Variants in LITAF observed in about 807,000 individuals in gnomAD.
LITAF encodes the protein lipopolysaccharide induced TNF factor, also known as lipopolysaccharide-induced tumor necrosis factor-alpha factor.
In LITAF, 9 loss-of-function variants were observed where a neutral mutation model predicts 14.5. The ratio of observed to expected loss-of-function variants is 0.62; its 90% CI spans 0.37 to 1.08. The LOEUF is 1.08. LITAF is among the 50% of genes least tolerant of loss of function. LITAF has a pLI of 0.01. For synonymous variants in LITAF, 98 were observed against 88.2 expected (o/e 1.11, Z -0.62); for missense variants, 206 against 213.4 (o/e 0.97, Z 0.22).
At chr16:11,562,932 T>C (rs147462558) in intron 1 of LITAF, among the ~76,000 whole-genome samples, 1 of 151,728 alleles carries the variant, frequency 6.6e-6, no homozygotes, top group East Asian at 1.9e-4. Flanking sequence ...CACAAAATCA[T>C]ATATAAAGAC....
intron 1 of LITAF, among the ~76,000 whole-genome samples, chr16:11,582,416 G>C (rs546251858): frequency 6.6e-6 from 1 of 151,418 alleles, no homozygotes; most frequent in Admixed American, 6.6e-5. Flanking sequence ...GTATAGAACT[G>C]TTTTCTACAT....
Position 11,605,675 on chromosome 16 carries a change from A to T in LITAF, c.85+27858T>A, listed in dbSNP as rs2064951596. 6.6e-6 allele frequency among the ~76,000 whole-genome samples: 1 copy of T among 152,218 alleles called. No homozygotes were observed. The highest frequency in any genetic ancestry group is 6.5e-5 in the Admixed American group (1 of 15,280). The stretch of plus-strand genomic sequence containing the variant: ...AGCCGGGCACGGAGGCCAAGGCAGG[A>T]GGATCGCTGGAGGCCAGGAGTTCGA... On this transcript the variant is annotated intron_variant, in intron 3 of 3. Transcript: ENST00000574848. The surrounding 1 kb of genome is among the most constrained non-coding windows in gnomAD (Gnocchi z 4.7).
At chr16:11,602,035 T>C (rs1242942895), upstream of LITAF, among the ~76,000 whole-genome samples, 3 of 152,094 alleles carry the variant, frequency 2.0e-5, no homozygotes, top group African/African-American at 7.2e-5. Flanking sequence ...GTTGAACAAA[T>C]ACCTCCAGAA....
intron 3 of LITAF, among the ~76,000 whole-genome samples, chr16:11,612,686 C>A (rs1289527846): frequency 1.3e-5 from 2 of 152,224 alleles, no homozygotes; most frequent in African/African-American, 2.4e-5. Flanking sequence ...AACTGGCCAC[C>A]CACTTCCCCA....
chr16:11,626,257 C>A (rs576361223), intron 3 of LITAF, among the ~76,000 whole-genome samples: 47 of 152,328 alleles, frequency 3.1e-4, no homozygotes, highest in African/African-American at 1.1e-3. Flanking sequence ...CAGCTCACTG[C>A]AACCTCTGCC....
At chr16:11,621,713 G>C (rs2065052483) in intron 3 of LITAF, among the ~76,000 whole-genome samples, 1 of 152,062 alleles carries the variant, frequency 6.6e-6, no homozygotes, top group African/African-American at 2.4e-5. Context: ...GCCCACAAGA[G>C]TGGCCGGCTC....
rs1263874151 is a variant in LITAF at position 11,578,355 on chromosome 16, C to T, written c.-6+8531G>A. 2.0e-5 allele frequency among the ~76,000 whole-genome samples: 3 copies of T among 152,140 alleles called. No homozygotes were observed. The East Asian group carries it at 5.8e-4, about 30-fold the overall frequency. On this transcript the variant is annotated intron_variant, in intron 1 of 3. Coordinates refer to ENST00000622633, the MANE Select transcript of LITAF (RefSeq NM_001136472.2). ...GGTGGATCACCTGAGGTCGGGAGTT[C>T]GAGACCAGCCTGGCCAACATGGGGA... is the stretch of plus-strand genomic sequence containing the variant.
chr16:11,594,306 A>AT (rs35496392), intron 1 of LITAF, among the ~76,000 whole-genome samples: 13 of 150,846 alleles, frequency 8.6e-5, no homozygotes, highest in Admixed American at 2.0e-4. Context: ...CTGTATCCCA[A>AT]TTTTTTTTTT....
intron 3 of LITAF, among the ~76,000 whole-genome samples, chr16:11,624,321 C>T (rs1244533639): frequency 1.3e-5 from 2 of 152,138 alleles, no homozygotes; most frequent in Admixed American, 6.5e-5. Flanking sequence ...AGCTAAACTC[C>T]CACGGTTGAA....
chr16:11,594,942 A>C (rs1364082911), intron 1 of LITAF, among the ~76,000 whole-genome samples: 3 of 152,046 alleles, frequency 2.0e-5, no homozygotes, highest in South Asian at 2.1e-4. Context: ...AAAGGCTATA[A>C]ATAGTTGTCT....
intron 1 of LITAF, among the ~76,000 whole-genome samples, chr16:11,568,130 A>G (rs2064483824): frequency 6.6e-6 from 1 of 152,072 alleles, no homozygotes; most frequent in Admixed American, 6.6e-5. Flanking sequence ...TCTACAAAAA[A>G]GACAAAAATT....
upstream of LITAF, among the ~76,000 whole-genome samples, chr16:11,590,853 C>G (rs2064842310): frequency 8.5e-6 from 1 of 117,750 alleles, no homozygotes; most frequent in Non-Finnish European, 1.7e-5. Flanking sequence ...CTGCCTCAGC[C>G]TCTCGAGTAG....
chr16:11,587,775 G>C (rs1440151166), upstream of LITAF, among the ~76,000 whole-genome samples: 1 of 152,146 alleles, frequency 6.6e-6, no homozygotes, highest in African/African-American at 2.4e-5. Flanking sequence ...CAGCAGCCTG[G>C]ATCCAGCAGG....
At chr16:11,569,895 G>T (rs935706943) in intron 1 of LITAF, among the ~76,000 whole-genome samples, 1 of 152,114 alleles carries the variant, frequency 6.6e-6, no homozygotes, top group African/African-American at 2.4e-5. Flanking sequence ...TTAGCCAGGT[G>T]TGGTGGTGCT....
chr16:11,588,100 C>T (rs979797449), upstream of LITAF, among the ~76,000 whole-genome samples: 8 of 152,104 alleles, frequency 5.3e-5, no homozygotes, highest in African/African-American at 1.9e-4. Context: ...CCACCCTCAG[C>T]CGTGGACGAG....
chr16:11,580,261 G>A (rs944333145), intron 1 of LITAF, among the ~76,000 whole-genome samples: 7 of 145,544 alleles, frequency 4.8e-5, no homozygotes, highest in Non-Finnish European at 1.1e-4. Flanking sequence ...AACCAGTGAA[G>A]TTTTTTTTTT....
upstream of LITAF, among the ~76,000 whole-genome samples, chr16:11,598,875 A>T (rs1395150556): frequency 2.0e-5 from 3 of 152,134 alleles, no homozygotes; most frequent in Non-Finnish European, 4.4e-5. Flanking sequence ...GCTGGAGTGC[A>T]GTGGCGCAAT....
chr16:11,601,047 A>G (rs2064923364), upstream of LITAF, among the ~76,000 whole-genome samples: 1 of 152,082 alleles, frequency 6.6e-6, no homozygotes, highest in East Asian at 1.9e-4. Context: ...TCACCGGCAC[A>G]TGAAAAAGTG....
intron 3 of LITAF, among the ~76,000 whole-genome samples, chr16:11,552,989 C>G (rs2064204649): frequency 6.6e-6 from 1 of 152,106 alleles, no homozygotes; most frequent in African/African-American, 2.4e-5. Context: ...ACGGTGCACA[C>G]CTGTAATCCC....
Sources: allele counts gnomAD v4.1 joint callset (sites outside exome capture counted in the v4.1 genomes callset), GRCh38; gene constraint gnomAD v4.1.1; non-coding constraint Gnocchi (gnomAD v3.1); transcripts MANE v1.5; gene names NCBI Gene and HGNC (gene_info 2026-07-23, HGNC 2026-07-21).